Variants in ARHGAP21 observed in about 807,000 individuals in gnomAD.
The protein encoded by ARHGAP21 is Rho GTPase activating protein 21, also known as rho GTPase-activating protein 21.
ARHGAP21 carries 38 observed loss-of-function variants against 164.6 expected under a neutral mutation model. The ratio of observed to expected loss-of-function variants is 0.23; its 90% CI spans 0.18 to 0.30. The LOEUF is 0.30. Among genes scored for constraint, ARHGAP21 ranks in the 10% least tolerant of loss-of-function variants. ARHGAP21 has a pLI of 1.00. For missense variants in ARHGAP21, 1,822 were observed against 2,370.7 expected (o/e 0.77, Z 4.81); for synonymous variants, 766 against 857.9 (o/e 0.89, Z 1.87).
At chr10:24,658,323 G>A (rs1839294510) in intron 4 of ARHGAP21, among the ~76,000 whole-genome samples, 1 of 152,100 alleles carries the variant, frequency 6.6e-6, no homozygotes, top group South Asian at 2.1e-4. Flanking sequence ...TCCCGTTACT[G>A]GGCATATACT....
chr10:24,628,794 T>C (rs1252657332), intron 7 of ARHGAP21, among the ~76,000 whole-genome samples: 6 of 115,514 alleles, frequency 5.2e-5, no homozygotes, highest in South Asian at 5.3e-4. Flanking sequence ...CACACATATA[T>C]ACACATATAT....
At chr10:24,677,601 A>T (rs554850080) in intron 2 of ARHGAP21, among the ~76,000 whole-genome samples, 2 of 152,306 alleles carry the variant, frequency 1.3e-5, no homozygotes, top group African/African-American at 2.4e-5. Context: ...GGAGCATAAC[A>T]TGAGAGACTC....
intron 4 of ARHGAP21, among the ~76,000 whole-genome samples, chr10:24,655,458 A>G (rs1838715396): frequency 1.3e-5 from 2 of 152,248 alleles, no homozygotes; most frequent in African/African-American, 4.8e-5. Context: ...AAAGTGGGCA[A>G]AAGATATGAA....
intron 11 of ARHGAP21, 122 bp from the exon 12 acceptor site, chr10:24,604,470 G>T: frequency 1.7e-6 from 1 of 584,104 alleles, no homozygotes. Flanking sequence ...TCATTATCAT[G>T]TTAAATGTCC....
At chr10:24,702,278 C>T (rs148952737) in intron 2 of ARHGAP21, among the ~76,000 whole-genome samples, 2,269 of 151,846 alleles carry the variant, frequency 0.015, 25 homozygotes, top group Middle Eastern at 0.031. Context: ...CTACAGGCAC[C>T]CGCCATCACG....
At chr10:24,662,021 G>A (rs1038283628) in intron 4 of ARHGAP21, among the ~76,000 whole-genome samples, 7 of 152,276 alleles carry the variant, frequency 4.6e-5, no homozygotes, top group Non-Finnish European at 1.0e-4. Context: ...GATCAAGGTA[G>A]GTGGAGCACT....
chr10:24,591,932 G>T lies in ARHGAP21; in HGVS notation c.3957C>A (p.Thr1319=), dbSNP rs373696545. ...TSEDNMTHMV[T]HMPDQYKIVE... ...CAATCTTGTACTGGTCAGGCATGTG[G>T]GTGACCATGTGGGTCATGTTGTCTT... is the stretch of plus-strand genomic sequence containing the variant. Residue 1319 remains threonine, a synonymous_variant, in exon 22 of 26, where the codon ACC becomes ACA. Coordinates refer to ENST00000396432, the MANE Select transcript of ARHGAP21 (RefSeq NM_020824.4). 2 of 1,613,598 alleles carry T rather than the reference G, an allele frequency of 1.2e-6. No homozygotes were observed. The highest frequency in any genetic ancestry group is 8.5e-7 in the Non-Finnish European group (1 of 1,179,910).
At chr10:24,666,325 C>T (rs7897436) in intron 4 of ARHGAP21, among the ~76,000 whole-genome samples, 80,871 of 151,996 alleles carry the variant, frequency 0.53, 21,672 homozygotes, top group Middle Eastern at 0.58. Context: ...CGACTGCGCC[C>T]GCCCCTGCCA....
intron 3 of ARHGAP21, among the ~76,000 whole-genome samples, chr10:24,668,999 A>G (rs116620441): frequency 1.7e-3 from 262 of 152,318 alleles, no homozygotes; most frequent in African/African-American, 5.8e-3. Context: ...AAGTAACACT[A>G]TTTGAGACTT....
chr10:24,689,964 GTA>G (rs1194548074), intron 2 of ARHGAP21, among the ~76,000 whole-genome samples: 34 of 148,098 alleles, frequency 2.3e-4, no homozygotes, highest in African/African-American at 3.0e-4. Context: ...GTGTGTGTGT[GTA>G]TATACACATA....
At position 24,619,884 on chromosome 10, in the gene ARHGAP21, T is replaced by C. The variant is rs1565029970; in HGVS notation, c.2011A>G (p.Ser671Gly). Residue 671 changes from serine to glycine, a missense_variant, in exon 9 of 26, where the codon AGT (serine) becomes GGT (glycine). Coordinates refer to ENST00000396432, the MANE Select transcript of ARHGAP21 (RefSeq NM_020824.4). Reference protein sequence around the residue: ...LNQQTWVRTDSAPDQQVETGK... With the variant: ...LNQQTWVRTDGAPDQQVETGK... ...GTCTCCACTTGCTGATCGGGGGCACTGTCAGTCCTTACCCATGTCTGCTGA... is the reference window on the plus strand; with the variant it reads ...GTCTCCACTTGCTGATCGGGGGCACCGTCAGTCCTTACCCATGTCTGCTGA... The C allele has an allele frequency of 2.5e-6, 4 of 1,614,238 alleles. No homozygotes were observed. Among genetic ancestry groups the C allele is most frequent in the Non-Finnish European group, 3.4e-6 (4 of 1,180,052 alleles).
intron 2 of ARHGAP21, among the ~76,000 whole-genome samples, chr10:24,699,428 G>A (rs1226113280): frequency 6.6e-6 from 1 of 151,828 alleles, no homozygotes. Flanking sequence ...AGGTTCAAGC[G>A]ATTCTCCTGC....
chr10:24,598,805 A>G (rs1235859500), intron 14 of ARHGAP21, among the ~76,000 whole-genome samples: 2 of 152,210 alleles, frequency 1.3e-5, no homozygotes, highest in African/African-American at 4.8e-5. Flanking sequence ...ATCAGCTGAG[A>G]GATCATATGA....
intron 5 of ARHGAP21, among the ~76,000 whole-genome samples, chr10:24,633,884 T>G (rs12783887): frequency 2.6e-5 from 1 of 38,290 alleles, no homozygotes; most frequent in Non-Finnish European, 5.5e-5. Flanking sequence ...TTTTTTTCTC[T>G]TTTTTTTTTT....
Position 24,590,671 on chromosome 10 carries a change from G to A in ARHGAP21, c.4150+554C>T, listed in dbSNP as rs757557011. The A allele has an allele frequency of 1.2e-4, 164 of 1,333,224 alleles. 1 individual carries two copies. The highest frequency in any genetic ancestry group is 1.0e-4 in the Non-Finnish European group (106 of 1,045,872). The allele number at this position is 1,333,224 out of a possible 1,614,324, so 82.6% of individuals were successfully genotyped here. A position where few individuals can be genotyped will look rare whatever the true frequency, so the allele number is the denominator to read the frequency against. ...TAATACTTAACCAAGCATTAGGGTG[G>A]CAACAGGAAACAGAAGAAAATAAAT... On this transcript the variant is annotated intron_variant, in intron 24 of 25. Coordinates refer to ENST00000396432, the MANE Select transcript of ARHGAP21 (RefSeq NM_020824.4).
Position 24,604,302 on chromosome 10 carries a change from T to TTTA in ARHGAP21, c.2721+9_2721+10insTAA, listed in dbSNP as rs770753847. 20 of 1,580,248 alleles carry TTTA rather than the reference T, an allele frequency of 1.3e-5. No individual in the cohort carries two copies. The Admixed American group carries it at 3.3e-4, about 26-fold the overall frequency. On this transcript the variant is annotated intron_variant, in intron 12 of 25. Transcript: ENST00000396432. ...TAAACTAAGGTAAGTAGAAACACTCTAATACCAACCTTGATTCCCTTCAGA... is the reference window on the plus strand; with the variant it reads ...TAAACTAAGGTAAGTAGAAACACTCTTTAAATACCAACCTTGATTCCCTTCAGA...
intron 8 of ARHGAP21, 86 bp downstream of exon 8, chr10:24,622,647 G>T: frequency 1.4e-6 from 2 of 1,393,290 alleles, no homozygotes; most frequent in Admixed American, 2.3e-5. Flanking sequence ...AAGCAAAAGT[G>T]AACAGTTTTT....
intron 11 of ARHGAP21, among the ~76,000 whole-genome samples, chr10:24,604,901 G>A (rs1289764070): frequency 1.3e-5 from 2 of 152,124 alleles, no homozygotes; most frequent in Admixed American, 1.3e-4. Flanking sequence ...CCACTGAACA[G>A]GCTTAGAGCT....
intron 4 of ARHGAP21, among the ~76,000 whole-genome samples, chr10:24,655,101 C>T (rs1838667483): frequency 6.6e-6 from 1 of 152,212 alleles, no homozygotes; most frequent in African/African-American, 2.4e-5. Flanking sequence ...CTTCCTTACA[C>T]CTTATACAAA....
Sources: gnomAD v4.1 joint callset for allele counts (sites outside exome capture counted in the v4.1 genomes callset) on GRCh38, gnomAD v4.1.1 for gene constraint, MANE v1.5 for transcripts, NCBI Gene and HGNC (gene_info 2026-07-23, HGNC 2026-07-21) for gene names.